Variants in AGBL1 observed in about 807,000 individuals in gnomAD.
The protein encoded by AGBL1 is AGBL carboxypeptidase 1.
In AGBL1, 130 loss-of-function variants were observed where a neutral mutation model predicts 118.9. The observed-to-expected ratio is 1.09, with a 90% CI of 0.95 to 1.26. The LOEUF is 1.26. AGBL1 is among the 50% of genes most tolerant of loss of function. AGBL1 has a pLI of 0.00. For missense variants in AGBL1, 1,584 were observed against 1,298.1 expected, an observed-to-expected ratio of 1.22 and a Z score of -3.38; for synonymous variants, 555 against 478.9, an observed-to-expected ratio of 1.16 and a Z score of -2.08.
intron 18 of AGBL1, among the ~76,000 whole-genome samples, chr15:86,457,320 A>T (rs79773565): frequency 7.2e-5 from 11 of 152,288 alleles, no homozygotes; most frequent in African/African-American, 2.6e-4. Flanking sequence ...GTTTGCAATC[A>T]GGCTATAGTT....
chr15:86,227,846 A>G (rs1256718015), intron 6 of AGBL1, among the ~76,000 whole-genome samples: 1 of 152,230 alleles, frequency 6.6e-6, no homozygotes, highest in African/African-American at 2.4e-5. Flanking sequence ...AACAGATTCT[A>G]CAGGATCTTG....
chr15:86,153,671 G>C (rs1327399734), intron 3 of AGBL1, among the ~76,000 whole-genome samples: 1 of 152,038 alleles, frequency 6.6e-6, no homozygotes, highest in Non-Finnish European at 1.5e-5. Context: ...AAAAAAGAAA[G>C]AAACATTAGA....
Position 86,323,062 on chromosome 15 carries a change from C to CAGGTTCAAA in AGBL1, c.2374+27655_2374+27663dup, listed in dbSNP as rs369326283. On this transcript the variant is annotated intron_variant, in intron 17 of 22. Coordinates refer to ENST00000614907, the MANE Select transcript of AGBL1 (RefSeq NM_001386094.1). ...TCTCTAGGGGTTGGCAGGAAACTCT[C>CAGGTTCAAA]AGGTTCAAAGATGACTTCAATAGTC... Among the ~76,000 whole-genome samples the CAGGTTCAAA allele has an allele frequency of 1.2e-3, 189 of 152,214 alleles. 1 individual carries two copies. Among genetic ancestry groups the CAGGTTCAAA allele is most frequent in the East Asian group, 0.012 (60 of 5,186 alleles).
At chr15:86,194,524 G>A (rs1010090187) in intron 5 of AGBL1, among the ~76,000 whole-genome samples, 1 of 152,204 alleles carries the variant, frequency 6.6e-6, no homozygotes, top group African/African-American at 2.4e-5. Flanking sequence ...GATGGTTTTA[G>A]AAGTAGAGCA....
chr15:86,082,111 T>A (rs1184806570), intron 1 of AGBL1, among the ~76,000 whole-genome samples: 1 of 152,226 alleles, frequency 6.6e-6, no homozygotes, highest in Non-Finnish European at 1.5e-5. Context: ...ACCAAGTGCT[T>A]CCCTAAGCCC....
chr15:86,603,806 A>C (rs1028579735), intron 21 of AGBL1, among the ~76,000 whole-genome samples: 1 of 152,134 alleles, frequency 6.6e-6, no homozygotes, highest in Admixed American at 6.5e-5. Flanking sequence ...CCCTGTGGAC[A>C]TTTGCAGCAG....
chr15:86,103,597 T>C (rs953341933), intron 1 of AGBL1, among the ~76,000 whole-genome samples: 3 of 152,168 alleles, frequency 2.0e-5, no homozygotes, highest in Admixed American at 1.3e-4. Context: ...ATAGTCTCCA[T>C]GTAATTTCTT....
chr15:86,296,662 A>G (rs1163230550), intron 17 of AGBL1: 1 of 152,230 alleles, frequency 6.6e-6, no homozygotes, highest in East Asian at 1.9e-4. Context: ...CGATTAACCC[A>G]TCTGGATTAA....
intron 23 of AGBL1, among the ~76,000 whole-genome samples, chr15:86,959,792 C>T (rs2080973134): frequency 1.3e-5 from 2 of 152,016 alleles, no homozygotes; most frequent in African/African-American, 4.8e-5. Context: ...CTTCTAAAGC[C>T]AAAATAATGA....
chr15:86,840,988 A>G (rs993743958), intron 22 of AGBL1, among the ~76,000 whole-genome samples: 1 of 152,214 alleles, frequency 6.6e-6, no homozygotes, highest in Admixed American at 6.5e-5. Flanking sequence ...AAAGTTATCT[A>G]TGAAAAATGA....
At chr15:86,628,944 C>G (rs1251891376) in intron 21 of AGBL1, among the ~76,000 whole-genome samples, 1 of 152,038 alleles carries the variant, frequency 6.6e-6, no homozygotes, top group African/African-American at 2.4e-5. Flanking sequence ...CACAATCAAG[C>G]TAATTAATAT....
chr15:86,654,005 G>C (rs781219639), intron 21 of AGBL1, among the ~76,000 whole-genome samples: 1 of 152,194 alleles, frequency 6.6e-6, no homozygotes, highest in Non-Finnish European at 1.5e-5. Context: ...CCCCAAAGCA[G>C]AGGTAACAGG....
intron 22 of AGBL1, among the ~76,000 whole-genome samples, chr15:86,762,608 A>G (rs965776727): frequency 5.9e-5 from 9 of 151,892 alleles, no homozygotes; most frequent in Non-Finnish European, 1.2e-4. Flanking sequence ...GCTCTCAACC[A>G]CTCTACAAAG....
chr15:86,934,352 A>G (rs913575807), intron 23 of AGBL1, among the ~76,000 whole-genome samples: 16 of 152,158 alleles, frequency 1.1e-4, no homozygotes, highest in African/African-American at 2.9e-4. Context: ...ACAGCTCCCT[A>G]TTGGCCAAGA....
intron 18 of AGBL1, among the ~76,000 whole-genome samples, chr15:86,472,867 C>T (rs1057048513): frequency 7.2e-5 from 11 of 152,160 alleles, no homozygotes; most frequent in Admixed American, 2.6e-4. Context: ...TGCAGTGAGC[C>T]GAGATTGCAC....
chr15:86,563,045 T>C (rs2083851843), intron 21 of AGBL1, among the ~76,000 whole-genome samples: 1 of 152,234 alleles, frequency 6.6e-6, no homozygotes, highest in Non-Finnish European at 1.5e-5. Flanking sequence ...TTTTTCTTTA[T>C]TAGTCTTGCT....
At chr15:86,971,828 C>T (rs1267832851) in intron 23 of AGBL1, among the ~76,000 whole-genome samples, 1 of 151,838 alleles carries the variant, frequency 6.6e-6, no homozygotes, top group Non-Finnish European at 1.5e-5. Flanking sequence ...AAGGGAGAGA[C>T]CAAGTGGAGG....
At position 86,151,151 on chromosome 15, in the gene AGBL1, T is replaced by C. The variant is rs1431548145; in HGVS notation, c.263-3279T>C. Among the ~76,000 whole-genome samples the C allele has an allele frequency of 2.7e-5, 4 of 146,574 alleles. No individual in the cohort carries two copies. The Admixed American group carries it at 2.8e-4, about 10-fold the overall frequency. ...GGGAATATCACACTCTGGGGACAGT[T>C]GTGGGGTGGGGTGGGGGAGGGATAG... On this transcript the variant is annotated intron_variant, in intron 3 of 22. Coordinates refer to ENST00000614907, the MANE Select transcript of AGBL1 (RefSeq NM_001386094.1).
At chr15:86,408,428 G>T (rs1057060109) in intron 18 of AGBL1, among the ~76,000 whole-genome samples, 3 of 152,070 alleles carry the variant, frequency 2.0e-5, no homozygotes, top group African/African-American at 7.2e-5. Context: ...TAATCTCTTC[G>T]CAGTTAAAGC....
Sources: allele counts gnomAD v4.1 joint callset (sites outside exome capture counted in the v4.1 genomes callset), GRCh38; gene constraint gnomAD v4.1.1; transcripts MANE v1.5; gene names NCBI Gene and HGNC (gene_info 2026-07-23, HGNC 2026-07-21).